Variants in TMEM220 observed in about 807,000 individuals in gnomAD.
TMEM220 encodes the protein transmembrane protein 220.
In TMEM220, 21 loss-of-function variants were observed where a neutral mutation model predicts 21.7. That is an observed-to-expected ratio of 0.97 (90% CI 0.69 to 1.39). The LOEUF (loss-of-function observed/expected upper bound fraction) is 1.39, where lower values mean the gene tolerates loss of function less well. TMEM220 is among the 40% of genes most tolerant of loss of function. TMEM220 has a pLI of 0.00. For missense variants in TMEM220, 191 were observed against 201.9 expected (o/e 0.95, Z 0.33); for synonymous variants, 80 against 73.6 (o/e 1.09, Z -0.45).
chr17:10,713,197 G>A (rs966777560), downstream of TMEM220: 9 of 151,040 alleles, frequency 6.0e-5, no homozygotes, highest in African/African-American at 2.2e-4. Context: ...CTTGAACCCA[G>A]GAGGTGGAGA....
At position 10,729,962 on chromosome 17, in the gene TMEM220, C is replaced by T. The variant is rs1288913924; in HGVS notation, c.-111G>A. 21 of 1,231,128 alleles carry T rather than the reference C, an allele frequency of 1.7e-5. No individual in the cohort carries two copies. Among genetic ancestry groups the T allele is most frequent in the Admixed American group, 4.3e-5 (1 of 23,526 alleles). The allele number at this position is 1,231,128 out of a possible 1,614,324, so 76.3% of individuals were successfully genotyped here. On this transcript the variant is annotated 5_prime_UTR_variant, in exon 1 of 6. Transcript: ENST00000341871. ...CGCGGAGGGACCGAGACCCCCGCCT[C>T]GGTTTCGGTGCCTTGGGGACACTGC...
chr17:10,711,214 C>G, downstream of TMEM220: 1 of 1,257,832 alleles, frequency 8.0e-7, no homozygotes, highest in Non-Finnish European at 1.1e-6. Flanking sequence ...AATAAAAATC[C>G]TCTGTCTCAT....
intron 5 of TMEM220, chr17:10,715,905 G>GT (rs1384142974): frequency 6.0e-5 from 21 of 349,740 alleles, no homozygotes; most frequent in African/African-American, 3.6e-4. Context: ...CCAAGGTTTT[G>GT]AAGGTATTCT....
Position 10,715,379 on chromosome 17 carries a change from C to G in TMEM220, c.*74G>C, listed in dbSNP as rs1277535160. On this transcript the variant is annotated 3_prime_UTR_variant, in exon 6 of 6. Transcript: ENST00000341871. ...AGCCCAAATTACCTGAAATAAACTCCTGGCTTGTTCCCCTAATGTTTATAA... is the reference window on the plus strand; with the variant it reads ...AGCCCAAATTACCTGAAATAAACTCGTGGCTTGTTCCCCTAATGTTTATAA... 4.2e-5 allele frequency: 60 copies of G among 1,422,938 alleles called. No homozygotes were observed. The highest frequency in any genetic ancestry group is 5.4e-5 in the Non-Finnish European group (57 of 1,048,628). The allele number at this position is 1,422,938 out of a possible 1,614,324, so 88.1% of individuals were successfully genotyped here.
chr17:10,727,193 TG>T lies in TMEM220; in HGVS notation c.103-930del, dbSNP rs113399386. On this transcript the variant is annotated intron_variant, in intron 2 of 5. Transcript: ENST00000341871. ...GATTGTTTAATTAATTTTTTGGAGA[TG>T]GGGGGGGTCTCGCTATGTTGCACAG... Among the ~76,000 whole-genome samples the T allele has an allele frequency of 1.0e-3, 158 of 151,374 alleles. 1 individual carries two copies. The highest frequency in any genetic ancestry group is 3.5e-3 in the African/African-American group (146 of 41,230).
intron 5 of TMEM220, among the ~76,000 whole-genome samples, chr17:10,721,235 G>A (rs1052671860): frequency 6.6e-6 from 1 of 152,146 alleles, no homozygotes; most frequent in Non-Finnish European, 1.5e-5. Flanking sequence ...GAGCAGACCT[G>A]AATAAGTGCC....
At chr17:10,729,564 G>A (rs1369412451) in intron 1 of TMEM220, among the ~76,000 whole-genome samples, 1 of 152,188 alleles carries the variant, frequency 6.6e-6, no homozygotes, top group Non-Finnish European at 1.5e-5. Context: ...CCCTTCCAGG[G>A]TGTGAGCCCT....
At position 10,726,307 on chromosome 17, in the gene TMEM220, GCC is replaced by G. The variant is rs576453120; in HGVS notation, c.103-45_103-44del. 7,237 of 1,444,936 alleles carry G rather than the reference GCC, an allele frequency of 5.0e-3. 30 individuals carry two copies. The highest frequency in any genetic ancestry group is 6.5e-3 in the Non-Finnish European group (6,675 of 1,025,942). The allele number at this position is 1,444,936 out of a possible 1,614,324, so 89.5% of individuals were successfully genotyped here. ...GGAAATTACATGAGTTAAGATGTAT[GCC>G]CAATATATGAGATGTTCAGAGATAC... On this transcript the variant is annotated intron_variant, in intron 2 of 5. Transcript: ENST00000341871.
intron 5 of TMEM220, among the ~76,000 whole-genome samples, chr17:10,721,043 T>C (rs2074982330): frequency 6.6e-6 from 1 of 152,212 alleles, no homozygotes; most frequent in Admixed American, 6.5e-5. Flanking sequence ...CGTGTATATA[T>C]TTATGTATGC....
chr17:10,724,237 A>G (rs1235543810), intron 4 of TMEM220, among the ~76,000 whole-genome samples: 12 of 152,228 alleles, frequency 7.9e-5, no homozygotes, highest in Non-Finnish European at 1.8e-4. Flanking sequence ...TGGTCATGAC[A>G]AGGAAATGAC....
rs751254883 is a variant in TMEM220, at chr17:10,726,188, A to T, written c.163+16T>A. On this transcript the variant is annotated intron_variant, in intron 3 of 5. Coordinates refer to ENST00000341871, the MANE Select transcript of TMEM220 (RefSeq NM_001004313.3). ...TCTGATTTGCTGTCTCTCCATTTAG[A>T]ATGCAAGGCTTATACCTGTGACTTC... is the stretch of plus-strand genomic sequence containing the variant. The T allele has an allele frequency of 1.2e-6, 2 of 1,609,358 alleles. No individual in the cohort carries two copies. The highest frequency in any genetic ancestry group is 1.7e-6 in the Non-Finnish European group (2 of 1,175,666).
intron 5 of TMEM220, chr17:10,716,512 T>C (rs1375580450): frequency 6.2e-6 from 4 of 641,230 alleles, no homozygotes; most frequent in Non-Finnish European, 1.2e-5. Context: ...TCACTCTTCA[T>C]GGCTTGCAAA....
intron 5 of TMEM220, among the ~76,000 whole-genome samples, chr17:10,717,075 ATTC>A (rs577513512): frequency 3.4e-3 from 522 of 152,298 alleles, no homozygotes; most frequent in African/African-American, 0.012. Context: ...AATTTTTTAG[ATTC>A]TTTTTTATTT....
chr17:10,715,218 CT>C lies in TMEM220; in HGVS notation c.*234del, dbSNP rs2074896767. The C allele has an allele frequency of 5.8e-6, 2 of 342,434 alleles. No homozygotes were observed. The highest frequency in any genetic ancestry group is 2.2e-5 in the African/African-American group (1 of 46,108). 21.2% of individuals were successfully genotyped at this position (342,434 alleles called of 1,614,324 possible). On this transcript the variant is annotated 3_prime_UTR_variant, in exon 6 of 6. Transcript: ENST00000341871. ...TATTTTTAAACTTCTATTCTCTAGCCTTTTCCACTACATTATGACACAAGAC... is the reference window on the plus strand; with the variant it reads ...TATTTTTAAACTTCTATTCTCTAGCCTTTCCACTACATTATGACACAAGAC...
intron 5 of TMEM220, among the ~76,000 whole-genome samples, chr17:10,720,149 G>A (rs1039135834): frequency 2.6e-5 from 4 of 152,130 alleles, no homozygotes; most frequent in African/African-American, 7.2e-5. Flanking sequence ...AGGGGAATTC[G>A]GGAGTATATA....
In TMEM220 at chr17:10,729,866, G is replaced by C; in HGVS notation, c.-15C>G. The C allele has an allele frequency of 7.6e-7, 1 of 1,312,732 alleles. No homozygotes were observed. Among genetic ancestry groups the C allele is most frequent in the Non-Finnish European group, 9.7e-7 (1 of 1,027,046 alleles). The allele number at this position is 1,312,732 out of a possible 1,614,324, so 81.3% of individuals were successfully genotyped here. On this transcript the variant is annotated 5_prime_UTR_variant, in exon 1 of 6. Transcript: ENST00000341871. ...GCTGGCGCCATGGCTCGGAGAACAC[G>C]GCGCGGGGCGGTGAGTCCTGCCACG...
chr17:10,717,817 C>T (rs2074940378), intron 5 of TMEM220, among the ~76,000 whole-genome samples: 1 of 151,650 alleles, frequency 6.6e-6, no homozygotes, highest in South Asian at 2.1e-4. Context: ...AAATTATGAA[C>T]TCGATTTTTT....
chr17:10,714,238 A>G lies in TMEM220; in HGVS notation c.*1215T>C, dbSNP rs1315545853. 3.3e-5 allele frequency: 5 copies of G among 152,282 alleles called. No individual in the cohort carries two copies. The highest frequency in any genetic ancestry group is 1.2e-4 in the African/African-American group (5 of 41,562). The allele number at this position is 152,282 out of a possible 1,614,324, so 9.4% of individuals were successfully genotyped here. On this transcript the variant is annotated 3_prime_UTR_variant, in exon 6 of 6. Coordinates refer to ENST00000341871, the MANE Select transcript of TMEM220 (RefSeq NM_001004313.3). ...CATTTATAGCCCCACTCATTTGGAC[A>G]CTAAATTTTCATTGGAAATACTTTA...
At chr17:10,728,288 CTTTT>C (rs112898193) in intron 2 of TMEM220, among the ~76,000 whole-genome samples, 4 of 139,474 alleles carry the variant, frequency 2.9e-5, no homozygotes, top group Non-Finnish European at 6.3e-5. Flanking sequence ...CTTTTCTTTG[CTTTT>C]TTTTTTTCTT....
Sources: gnomAD v4.1 joint callset for allele counts (sites outside exome capture counted in the v4.1 genomes callset) on GRCh38, gnomAD v4.1.1 for gene constraint, MANE v1.5 for transcripts, NCBI Gene and HGNC (gene_info 2026-07-23, HGNC 2026-07-21) for gene names.